Variants in TSC22D1 observed in about 807,000 individuals in gnomAD.
TSC22D1 encodes the protein TSC22 domain family protein 1.
In TSC22D1, 9 loss-of-function variants were observed where a neutral mutation model predicts 74.2. That is an observed-to-expected ratio of 0.12 (90% CI 0.07 to 0.21). The LOEUF is 0.21. TSC22D1 is among the 10% of genes least tolerant of loss of function. TSC22D1 has a pLI of 1.00. For missense variants in TSC22D1, 1,427 were observed against 1,304.7 expected, an observed-to-expected ratio of 1.09 and a Z score of -1.44; for synonymous variants, 586 against 492.5, an observed-to-expected ratio of 1.19 and a Z score of -2.51.
At position 44,433,951 on chromosome 13, in the gene TSC22D1, A is replaced by T; in HGVS notation, c.*675T>A. The stretch of plus-strand genomic sequence containing the variant: ...AATAGTAGTTACAGTCCTCTATTGT[A>T]CAAAATAGTTACACTACATACACAA... On this transcript the variant is annotated 3_prime_UTR_variant, in exon 3 of 3. Coordinates refer to ENST00000458659, the MANE Select transcript of TSC22D1 (RefSeq NM_183422.4). The T allele has an allele frequency of 6.5e-7, 1 of 1,527,530 alleles. No individual in the cohort carries two copies. The highest frequency in any genetic ancestry group is 8.7e-7 in the Non-Finnish European group (1 of 1,143,412). The allele number at this position is 1,527,530 out of a possible 1,614,324, so 94.6% of individuals were successfully genotyped here.
At chr13:44,454,391 A>G (rs56009336) in intron 1 of TSC22D1, among the ~76,000 whole-genome samples, 11,514 of 152,134 alleles carry the variant, frequency 0.076, 559 homozygotes, top group Non-Finnish European at 0.1. Flanking sequence ...AACAACATCT[A>G]TGTAAGTTAG....
intron 1 of TSC22D1, among the ~76,000 whole-genome samples, chr13:44,509,349 G>A (rs111326534): frequency 2.5e-4 from 38 of 152,296 alleles, no homozygotes; most frequent in African/African-American, 9.1e-4. Flanking sequence ...CATTTAAGAA[G>A]TGTATAAGGC....
chr13:44,576,081 G>T lies in TSC22D1; in HGVS notation c.-7C>A. The T allele has an allele frequency of 1.3e-6, 2 of 1,526,740 alleles. No individual in the cohort carries two copies. The highest frequency in any genetic ancestry group is 1.2e-5 in the South Asian group (1 of 81,732). The allele number at this position is 1,526,740 out of a possible 1,614,324, so 94.6% of individuals were successfully genotyped here. A position where few individuals can be genotyped will look rare whatever the true frequency, so the allele number is the denominator to read the frequency against. ...ACTCAGGCGGCTGGTGCATTGTGTT[G>T]GGTACCGGGGGCGCGGAGGAGACGA... On this transcript the variant is annotated 5_prime_UTR_variant, in exon 1 of 3. Transcript: ENST00000458659.
chr13:44,574,246 G>A lies in TSC22D1; in HGVS notation c.1829C>T (p.Ala610Val), dbSNP rs772993751. 9.9e-6 allele frequency: 16 copies of A among 1,614,192 alleles called. No individual in the cohort carries two copies. Among genetic ancestry groups the A allele is most frequent in the East Asian group, 2.2e-5 (1 of 44,884 alleles). ...LAQPQLPYSQ[A>V]APPVQTPLPG... ...AAGGGGAGTTTGCACTGGAGGAGCC[G>A]CCTGAGAATATGGTAGCTGGGGTTG... The change falls in exon 1 of 3, where the codon GCG becomes GTG. Residue 610 changes from alanine to valine, a missense_variant. Coordinates refer to ENST00000458659, the MANE Select transcript of TSC22D1 (RefSeq NM_183422.4).
chr13:44,469,916 A>C (rs550390050), intron 1 of TSC22D1, among the ~76,000 whole-genome samples: 4 of 152,188 alleles, frequency 2.6e-5, no homozygotes, highest in Non-Finnish European at 5.9e-5. Flanking sequence ...CTCTTATAAA[A>C]GTTCTCCATT....
At chr13:44,551,394 GTGTGTGT>G (rs1882255539) in intron 1 of TSC22D1, among the ~76,000 whole-genome samples, 8 of 109,584 alleles carry the variant, frequency 7.3e-5, no homozygotes, top group African/African-American at 3.0e-4. Flanking sequence ...AGATGGGTGT[GTGTGTGT>G]GTGTGTGTGT....
chr13:44,567,500 A>G (rs1161249647), intron 1 of TSC22D1, among the ~76,000 whole-genome samples: 1 of 150,102 alleles, frequency 6.7e-6, no homozygotes, highest in East Asian at 2.0e-4. Context: ...CACCACATAG[A>G]AAGAAAAAAA....
At position 44,453,045 on chromosome 13, in the gene TSC22D1, A is replaced by G. The variant is rs11147950; in HGVS notation, c.2913-16950T>C. Among the ~76,000 whole-genome samples the G allele has an allele frequency of 3.3e-5, 5 of 152,324 alleles. No homozygotes were observed. The East Asian group carries it at 7.7e-4, about 23-fold the overall frequency. ...TTGAAAAAAGATTTTGCAGTTAATT[A>G]GAATTTACATTTTCAGTAGTTAGGA... On this transcript the variant is annotated intron_variant, in intron 1 of 2. Coordinates refer to ENST00000458659, the MANE Select transcript of TSC22D1 (RefSeq NM_183422.4).
intron 1 of TSC22D1, among the ~76,000 whole-genome samples, chr13:44,476,688 TCTTTTA>T (rs1877930534): frequency 2.0e-5 from 3 of 152,192 alleles, no homozygotes; most frequent in Admixed American, 2.0e-4. Flanking sequence ...ATTTTCTTTT[TCTTTTA>T]GAGACAGGGT....
Position 44,573,810 on chromosome 13 carries a change from C to A in TSC22D1, c.2265G>T (p.Gln755His), listed in dbSNP as rs763422732. The stretch of plus-strand genomic sequence containing the variant: ...CTTGCGAAGATGGAGGAGCACCCTG[C>A]TGAATAACTGAAGGTGGAACCTGGG... ...PSTQVPPSVI[Q>H]QGAPPSSQVV... The change falls in exon 1 of 3, where the codon CAG (glutamine) becomes CAT (histidine). Residue 755 changes from glutamine to histidine, a missense_variant. By Grantham distance (24) the Gln-to-His change is conservative. Around this residue, in one of 3 missense-constraint regions of TSC22D1, gnomAD observed 1,343 missense variants for 1,191.5 expected, o/e 1.13. Transcript: ENST00000458659. 2 of 1,614,078 alleles carry A rather than the reference C, an allele frequency of 1.2e-6. No individual in the cohort carries two copies. The highest frequency in any genetic ancestry group is 1.7e-5 in the Admixed American group (1 of 60,002).
At chr13:44,531,059 T>C (rs1164777810) in intron 1 of TSC22D1, among the ~76,000 whole-genome samples, 1 of 152,212 alleles carries the variant, frequency 6.6e-6, no homozygotes, top group Non-Finnish European at 1.5e-5. Context: ...ACGTGACATG[T>C]ATTTGACAGA....
chr13:44,436,919 C>T (rs9595125), intron 1 of TSC22D1: 147,691 of 1,056,108 alleles, frequency 0.14, 11,280 homozygotes, highest in Non-Finnish European at 0.15. Flanking sequence ...TTGGCCGGCA[C>T]GCCACTGGGA....
chr13:44,493,382 C>CT (rs1878813895), intron 1 of TSC22D1, among the ~76,000 whole-genome samples: 1 of 152,178 alleles, frequency 6.6e-6, no homozygotes, highest in African/African-American at 2.4e-5. Context: ...ACTTGCCTTA[C>CT]TTTCACCTAA....
At chr13:44,439,825 T>A (rs1875042666) in intron 1 of TSC22D1, among the ~76,000 whole-genome samples, 1 of 152,230 alleles carries the variant, frequency 6.6e-6, no homozygotes, top group African/African-American at 2.4e-5. Flanking sequence ...GGAACAGGCC[T>A]GAGTGTTTCT....
chr13:44,455,294 A>G (rs1566120815), intron 1 of TSC22D1, among the ~76,000 whole-genome samples: 1 of 152,206 alleles, frequency 6.6e-6, no homozygotes, highest in Non-Finnish European at 1.5e-5. Context: ...GCAAGGGGAA[A>G]TGCTGTATTC....
At chr13:44,533,812 A>G (rs778555859) in intron 1 of TSC22D1, among the ~76,000 whole-genome samples, 4 of 152,186 alleles carry the variant, frequency 2.6e-5, no homozygotes, top group Non-Finnish European at 5.9e-5. Flanking sequence ...AAACAAAAAT[A>G]GTATCCTGAA....
At chr13:44,435,289 C>T (rs1198258697) in intron 2 of TSC22D1, 1 of 170,922 alleles carries the variant, frequency 5.9e-6, no homozygotes, top group Non-Finnish European at 1.2e-5. Flanking sequence ...GCAGCCAGTT[C>T]CTACCGAACA....
chr13:44,436,430 T>G, intron 1 of TSC22D1: 1 of 1,530,174 alleles, frequency 6.5e-7, no homozygotes, highest in Non-Finnish European at 8.9e-7. Flanking sequence ...GGAATTCGCC[T>G]GGCTATCTTT....
intron 1 of TSC22D1, among the ~76,000 whole-genome samples, chr13:44,478,284 T>C (rs921473878): frequency 6.6e-6 from 1 of 152,156 alleles, no homozygotes; most frequent in African/African-American, 2.4e-5. Context: ...AAAAAATACA[T>C]GTAGAATAAT....
Sources: gnomAD v4.1 joint callset for allele counts (sites outside exome capture counted in the v4.1 genomes callset) on GRCh38, gnomAD v4.1.1 for gene constraint, gnomAD v4.1.1 regional missense constraint, MANE v1.5 for transcripts, NCBI Gene and HGNC (gene_info 2026-07-23, HGNC 2026-07-21) for gene names.